Variants in PPP1R9A observed in about 807,000 individuals in gnomAD.
The protein encoded by PPP1R9A is protein phosphatase 1 regulatory subunit 9A.
A neutral mutation model predicts 141.9 loss-of-function variants in PPP1R9A; 59 were observed. The ratio of observed to expected loss-of-function variants is 0.42; its 90% CI spans 0.34 to 0.52. The LOEUF is 0.52. Among genes scored for constraint, PPP1R9A ranks in the 20% least tolerant of loss-of-function variants. The pLI is 0.10. For synonymous variants in PPP1R9A, 500 were observed against 569.7 expected, an observed-to-expected ratio of 0.88 and a Z score of 1.74; for missense variants, 1,444 against 1,611.9, an observed-to-expected ratio of 0.90 and a Z score of 1.78.
At chr7:95,016,982 G>A (rs1805198597) in intron 2 of PPP1R9A, among the ~76,000 whole-genome samples, 1 of 152,056 alleles carries the variant, frequency 6.6e-6, no homozygotes. Flanking sequence ...CAATATGACT[G>A]GTGTCCTTAT....
intron 2 of PPP1R9A, among the ~76,000 whole-genome samples, chr7:95,086,529 T>C (rs1816652574): frequency 6.6e-6 from 1 of 152,042 alleles, no homozygotes; most frequent in Non-Finnish European, 1.5e-5. Flanking sequence ...TGAATTTCCT[T>C]GCAACATTTA....
intron 5 of PPP1R9A, among the ~76,000 whole-genome samples, chr7:95,168,294 A>G (rs924866577): frequency 6.6e-6 from 1 of 152,138 alleles, no homozygotes; most frequent in Non-Finnish European, 1.5e-5. Context: ...CATTGGGGAA[A>G]GGGCACCCTC....
intron 2 of PPP1R9A, among the ~76,000 whole-genome samples, chr7:94,995,128 A>AT (rs149964656): frequency 0.39 from 59,199 of 151,516 alleles, 12,379 homozygotes; most frequent in Middle Eastern, 0.51. Context: ...CTAAGTTGAT[A>AT]TTTTTTTTCA....
At chr7:95,083,371 A>T (rs1816191137) in intron 2 of PPP1R9A, among the ~76,000 whole-genome samples, 1 of 151,878 alleles carries the variant, frequency 6.6e-6, no homozygotes, top group African/African-American at 2.4e-5. Flanking sequence ...CTGTCACATT[A>T]CATTCTTCAA....
chr7:95,153,392 A>C lies in PPP1R9A; in HGVS notation c.1650-8475A>C, dbSNP rs186464310. Among the ~76,000 whole-genome samples the C allele has an allele frequency of 3.0e-4, 46 of 152,338 alleles. No individual in the cohort carries two copies. The East Asian group carries it at 7.9e-3, about 26-fold the overall frequency. ...CATTGTTAGAATCATGATTCAGTTC[A>C]GTCAAACAGTTTTACTTTTTTATCA... On this transcript the variant is annotated intron_variant, in intron 4 of 19. Coordinates refer to ENST00000433360, the MANE Select transcript of PPP1R9A (RefSeq NM_001166160.2).
intron 4 of PPP1R9A, among the ~76,000 whole-genome samples, chr7:95,121,525 G>A (rs2152488329): frequency 6.6e-6 from 1 of 151,860 alleles, no homozygotes; most frequent in South Asian, 2.1e-4. Context: ...CGAAGATTTT[G>A]ATTAACCCTC....
At chr7:95,207,405 A>G (rs1791055446) in intron 7 of PPP1R9A, among the ~76,000 whole-genome samples, 1 of 152,182 alleles carries the variant, frequency 6.6e-6, no homozygotes, top group Admixed American at 6.5e-5. Flanking sequence ...AGATGTATGA[A>G]GTAATAAAAC....
At chr7:95,174,148 G>T (rs1447667239) in intron 5 of PPP1R9A, among the ~76,000 whole-genome samples, 3 of 152,092 alleles carry the variant, frequency 2.0e-5, no homozygotes, top group African/African-American at 4.8e-5. Flanking sequence ...TATACAAATT[G>T]TATTATATCC....
At chr7:95,271,720 G>T (rs1802205511) in intron 14 of PPP1R9A, among the ~76,000 whole-genome samples, 2 of 152,092 alleles carry the variant, frequency 1.3e-5, no homozygotes, top group Non-Finnish European at 2.9e-5. Context: ...ATGAAAACCA[G>T]GTTGCCACAG....
At position 95,151,941 on chromosome 7, in the gene PPP1R9A, C is replaced by CTTTTTTTTTTT. The variant is rs1167382285; in HGVS notation, c.1650-9907_1650-9897dup. On this transcript the variant is annotated intron_variant, in intron 4 of 19. Coordinates refer to ENST00000433360, the MANE Select transcript of PPP1R9A (RefSeq NM_001166160.2). ...AATGTCAGCACATAGTACTGAGAAT[C>CTTTTTTTTTTT]TTTTTTTTTTTTTTTTTTTTTTTTT... 1.3e-3 allele frequency among the ~76,000 whole-genome samples: 70 copies of CTTTTTTTTTTT among 54,464 alleles called. 15 individuals carry two copies. The highest frequency in any genetic ancestry group is 1.8e-3 in the Admixed American group (6 of 3,320). 35.7% of individuals were successfully genotyped at this position (54,464 alleles called of 152,430 possible).
intron 8 of PPP1R9A, among the ~76,000 whole-genome samples, chr7:95,236,154 A>T (rs1013018674): frequency 6.6e-6 from 1 of 152,182 alleles, no homozygotes; most frequent in African/African-American, 2.4e-5. Flanking sequence ...CAACAAAAAA[A>T]TTTTAACTGC....
chr7:95,060,255 A>G (rs1812049833), intron 2 of PPP1R9A, among the ~76,000 whole-genome samples: 1 of 152,198 alleles, frequency 6.6e-6, no homozygotes, highest in African/African-American at 2.4e-5. Context: ...GAGGCTGACA[A>G]GTAAGTGTCT....
At chr7:94,911,589 C>T (rs533063971) in intron 2 of PPP1R9A, 81 bp downstream of exon 2, 2 of 1,106,884 alleles carry the variant, frequency 1.8e-6, no homozygotes, top group African/African-American at 3.2e-5. Flanking sequence ...GACTTGACAA[C>T]TAGTAGGAGT....
intron 2 of PPP1R9A, among the ~76,000 whole-genome samples, chr7:94,954,421 A>G (rs2151064295): frequency 6.6e-6 from 1 of 151,994 alleles, no homozygotes. Flanking sequence ...TTCCTTATGT[A>G]CTTATATGCC....
At chr7:95,240,707 A>G (rs1421758062) in intron 8 of PPP1R9A, among the ~76,000 whole-genome samples, 15 of 152,172 alleles carry the variant, frequency 9.9e-5, no homozygotes, top group Non-Finnish European at 2.9e-5. Flanking sequence ...TTCTCTTATT[A>G]AATGTTTAGT....
chr7:95,144,685 C>T (rs948289094), intron 4 of PPP1R9A, among the ~76,000 whole-genome samples: 1 of 152,098 alleles, frequency 6.6e-6, no homozygotes, highest in Admixed American at 6.6e-5. Context: ...AGGGATAAGA[C>T]ACAGATACTC....
At chr7:94,959,478 ATACT>A (rs1420269226) in intron 2 of PPP1R9A, among the ~76,000 whole-genome samples, 8 of 151,792 alleles carry the variant, frequency 5.3e-5, no homozygotes, top group African/African-American at 7.2e-5. Context: ...TTTTTGAATG[ATACT>A]TAGTCATTTA....
At chr7:95,093,327 A>G (rs575473422) in intron 2 of PPP1R9A, among the ~76,000 whole-genome samples, 6 of 152,172 alleles carry the variant, frequency 3.9e-5, no homozygotes, top group Non-Finnish European at 8.8e-5. Context: ...AAGGGAGCCA[A>G]CCACTTTTAT....
At chr7:95,059,561 A>G (rs926184248) in intron 2 of PPP1R9A, among the ~76,000 whole-genome samples, 4 of 152,200 alleles carry the variant, frequency 2.6e-5, no homozygotes, top group Non-Finnish European at 4.4e-5. Flanking sequence ...ATGTCCCAAA[A>G]TAGACTAGCC....
Sources: gnomAD v4.1 joint callset for allele counts (sites outside exome capture counted in the v4.1 genomes callset) on GRCh38, gnomAD v4.1.1 for gene constraint, MANE v1.5 for transcripts, NCBI Gene and HGNC (gene_info 2026-07-23, HGNC 2026-07-21) for gene names.